The following SIMC1 variants were observed in gnomAD, a reference collection of about 807,000 sequenced individuals.
SIMC1 encodes SUMO interacting motifs containing 1.
In SIMC1, 55 loss-of-function variants were observed where a neutral mutation model predicts 82.3. The ratio of observed to expected loss-of-function variants is 0.67; its 90% CI spans 0.54 to 0.84. The LOEUF is 0.84. Among genes scored for constraint, SIMC1 ranks in the 40% least tolerant of loss-of-function variants. The pLI is 0.00. For synonymous variants in SIMC1, 353 were observed against 426.3 expected, an observed-to-expected ratio of 0.83 and a Z score of 2.12; for missense variants, 915 against 1,107.2, an observed-to-expected ratio of 0.83 and a Z score of 2.46.
intron 1 of SIMC1, among the ~76,000 whole-genome samples, chr5:176,251,625 G>T (rs182585602): frequency 6.7e-6 from 1 of 149,842 alleles, no homozygotes; most frequent in Non-Finnish European, 1.5e-5. Flanking sequence ...GGTGTTTCTC[G>T]CAGAGGGGGA....
chr5:176,338,305 C>T (rs1193040959), intron 9 of SIMC1, among the ~76,000 whole-genome samples: 2 of 152,018 alleles, frequency 1.3e-5, no homozygotes, highest in African/African-American at 4.8e-5. Flanking sequence ...CAAGGCATGA[C>T]CCTAGGCTGG....
chr5:176,312,187 A>G (rs979154935), intron 4 of SIMC1, among the ~76,000 whole-genome samples: 3 of 152,236 alleles, frequency 2.0e-5, no homozygotes, highest in Non-Finnish European at 2.9e-5. Flanking sequence ...AGGATACTGG[A>G]GAACACAAGT....
chr5:176,333,910 T>A (rs1050588241), intron 7 of SIMC1, among the ~76,000 whole-genome samples: 33 of 152,126 alleles, frequency 2.2e-4, no homozygotes, highest in Non-Finnish European at 4.1e-4. Flanking sequence ...TCCATTTTTT[T>A]AATTCCCCCA....
chr5:176,282,822 T>A (rs1763075468), intron 1 of SIMC1, among the ~76,000 whole-genome samples: 1 of 151,970 alleles, frequency 6.6e-6, no homozygotes, highest in Non-Finnish European at 1.5e-5. Context: ...TGAAGAGAAG[T>A]CCTTAAATGA....
At chr5:176,344,775 C>T (rs1280291214) in intron 9 of SIMC1, among the ~76,000 whole-genome samples, 1 of 152,204 alleles carries the variant, frequency 6.6e-6, no homozygotes, top group African/African-American at 2.4e-5. Context: ...AAATCACCCC[C>T]ACCAGGCCCC....
intron 2 of SIMC1, among the ~76,000 whole-genome samples, chr5:176,291,399 C>G (rs1212637520): frequency 7.0e-6 from 1 of 141,926 alleles, no homozygotes; most frequent in African/African-American, 2.6e-5. Flanking sequence ...TGCAGTGGCA[C>G]GATCTCCGCT....
At position 176,287,724 on chromosome 5, in the gene SIMC1, AT is replaced by A. The variant is rs1353486203; in HGVS notation, c.130-1929del. On this transcript the variant is annotated intron_variant, in intron 1 of 9. Transcript: ENST00000429602. ...GAAAGAATAAAAAAAGAAAAAAAAA[AT>A]CCTAAGGAATCGACAAAAAAAAGTT... Among the ~76,000 whole-genome samples the A allele has an allele frequency of 1.3e-5, 2 of 151,802 alleles. 1 individual carries two copies. Among genetic ancestry groups the A allele is most frequent in the African/African-American group, 4.8e-5 (2 of 41,348 alleles).
chr5:176,322,708 G>A, intron 6 of SIMC1: 1 of 312,024 alleles, frequency 3.2e-6, no homozygotes. Flanking sequence ...TTCACTTCCT[G>A]CATTTCAGGA....
chr5:176,322,909 C>T (rs1036923191), intron 6 of SIMC1: 3 of 152,682 alleles, frequency 2.0e-5, no homozygotes, highest in Admixed American at 1.3e-4. Flanking sequence ...CCGCAGACTG[C>T]ACTGGAAAGA....
chr5:176,272,957 C>T (rs187161994), intron 1 of SIMC1, among the ~76,000 whole-genome samples: 1,973 of 152,288 alleles, frequency 0.013, 20 homozygotes, highest in Non-Finnish European at 0.02. Context: ...TGGGTGGAGC[C>T]CACCGCAGCT....
Position 176,289,692 on chromosome 5 carries a change from A to G in SIMC1, c.168A>G (p.Thr56=). 1.2e-6 allele frequency: 2 copies of G among 1,611,684 alleles called. No homozygotes were observed. The highest frequency in any genetic ancestry group is 1.7e-6 in the Non-Finnish European group (2 of 1,178,934). The change falls in exon 2 of 10, where the codon ACA becomes ACG. Residue 56 remains threonine (T), a synonymous_variant. Transcript: ENST00000429602. ...TAACTAGAGAGACCAGACCAAGGAC[A>G]AAAGATCGCAGTGGACTGTATGTGA... ...IDLTRETRPR[T]KDRSGLYVID...
intron 1 of SIMC1, among the ~76,000 whole-genome samples, chr5:176,274,391 G>C (rs913341430): frequency 2.0e-5 from 3 of 151,668 alleles, no homozygotes; most frequent in African/African-American, 7.2e-5. Flanking sequence ...GTTCATTGTA[G>C]ATTCTGGATA....
chr5:176,246,362 T>C (rs189236382), intron 1 of SIMC1, among the ~76,000 whole-genome samples: 1,770 of 151,876 alleles, frequency 0.012, 17 homozygotes, highest in Non-Finnish European at 0.018. Context: ...TTGATCAAGA[T>C]GTTTTCCCAA....
chr5:176,280,683 T>C (rs542124670), intron 1 of SIMC1, among the ~76,000 whole-genome samples: 10 of 152,254 alleles, frequency 6.6e-5, no homozygotes, highest in African/African-American at 1.4e-4. Context: ...TTTATTTCTC[T>C]TTCACTTATG....
chr5:176,345,193 G>A lies in SIMC1; in HGVS notation c.2424G>A (p.Arg808=). The change falls in exon 10 of 10, where the codon AGG becomes AGA. Residue 808 remains arginine (R), a synonymous_variant. Transcript: ENST00000429602. ...SYQHVLREHL[R]SSVIDRKDLI... ...TTTTCCCTCTTGCAGAACACTTAAG[G>A]AGTTCCGTGATCGACCGAAAGGACT... is the stretch of plus-strand genomic sequence containing the variant. The A allele has an allele frequency of 1.9e-6, 3 of 1,613,784 alleles. No individual in the cohort carries two copies. The highest frequency in any genetic ancestry group is 2.5e-6 in the Non-Finnish European group (3 of 1,179,792).
rs573035459 is a variant in SIMC1, at chr5:176,256,637, G to T, written c.129+18000G>T. Among the ~76,000 whole-genome samples, 370 of 152,188 alleles carry T rather than the reference G, an allele frequency of 2.4e-3. 1 individual carries two copies. Among genetic ancestry groups the T allele is most frequent in the Middle Eastern group, 0.01 (3 of 294 alleles). On this transcript the variant is annotated intron_variant, in intron 1 of 9. Transcript: ENST00000429602. ...CATGAAATGCACACATTAATTATAG[G>T]ATACATCCTGGTTATATATGTATTA...
intron 1 of SIMC1, among the ~76,000 whole-genome samples, chr5:176,276,036 C>T (rs555920335): frequency 6.6e-6 from 1 of 151,536 alleles, no homozygotes; most frequent in Non-Finnish European, 1.5e-5. Context: ...GGAATAGTTT[C>T]AGAAGGAATG....
chr5:176,324,574 G>C lies in SIMC1; in HGVS notation c.2043-55G>C, dbSNP rs1765294215. ...TGGTGGGGACCTCCTCCCAGCCAGAGAGTGGCTCCTTGCCAGACCCTCACA... is the reference window on the plus strand; with the variant it reads ...TGGTGGGGACCTCCTCCCAGCCAGACAGTGGCTCCTTGCCAGACCCTCACA... On this transcript the variant is annotated intron_variant, in intron 6 of 9. Transcript: ENST00000429602. The C allele has an allele frequency of 3.2e-6, 5 of 1,572,560 alleles. No homozygotes were observed. In the South Asian group the frequency reaches 5.9e-5, roughly 18 times the overall value.
chr5:176,308,353 T>C (rs2113330600), intron 4 of SIMC1: 2 of 1,534,732 alleles, frequency 1.3e-6, no homozygotes, highest in Non-Finnish European at 1.8e-6. Flanking sequence ...CCAGGGCAGC[T>C]GTCTGCAGCT....
Sources: gnomAD v4.1 joint callset for allele counts (sites outside exome capture counted in the v4.1 genomes callset) on GRCh38, gnomAD v4.1.1 for gene constraint, MANE v1.5 for transcripts, NCBI Gene and HGNC (gene_info 2026-07-23, HGNC 2026-07-21) for gene names.